LPIN3: variants seen among roughly 807,000 people sequenced by gnomAD.
LPIN3 encodes the protein phosphatidate phosphatase LPIN3.
LPIN3 carries 82 observed loss-of-function variants against 94.7 expected under a neutral mutation model. The ratio of observed to expected loss-of-function variants is 0.87; its 90% CI spans 0.72 to 1.04. LPIN3 has a LOEUF of 1.04. LPIN3 is among the 50% of genes least tolerant of loss of function. The pLI is 0.00. For synonymous variants in LPIN3, 418 were observed against 443.3 expected (o/e 0.94, Z 0.72); for missense variants, 996 against 1,090.5 (o/e 0.91, Z 1.22).
chr20:41,345,816 G>C lies in LPIN3; in HGVS notation c.13G>C (p.Gly5Arg). 1 of 1,612,680 alleles carries C rather than the reference G, an allele frequency of 6.2e-7. No individual in the cohort carries two copies. Among genetic ancestry groups the C allele is most frequent in the Non-Finnish European group, 8.5e-7 (1 of 1,178,924 alleles). MNYV[G>R]QLAETVFGTV... ...GCCAGCACCAGCCATGAACTACGTG[G>C]GGCAGCTGGCGGAGACGGTGTTTGG... The change falls in exon 2 of 20, where the codon GGG becomes CGG. Residue 5 changes from glycine (G) to arginine (R), a missense_variant. Transcript: ENST00000373257.
At chr20:41,352,350 T>C in intron 9 of LPIN3, 130 bp downstream of exon 9, 1 of 1,098,846 alleles carries the variant, frequency 9.1e-7, no homozygotes, top group South Asian at 1.5e-5. Flanking sequence ...CTCTGCCCTG[T>C]GCAGTCCACA....
chr20:41,345,512 A>C (rs529118092), intron 1 of LPIN3, among the ~76,000 whole-genome samples: 1 of 152,360 alleles, frequency 6.6e-6, no homozygotes, highest in African/African-American at 2.4e-5. Context: ...GGCACGAGGC[A>C]ACTGGGTATT....
chr20:41,352,201 C>T lies in LPIN3; in HGVS notation c.1344C>T (p.Asp448=), dbSNP rs774098335. The change falls in exon 9 of 20, where the codon GAC becomes GAT. Residue 448 remains aspartate, a synonymous_variant. Coordinates refer to ENST00000373257, the MANE Select transcript of LPIN3 (RefSeq NM_022896.3). The stretch of plus-strand genomic sequence containing the variant: ...TGTCCCTCTGTGGTGGACTGGCTGA[C>T]AGCCGGGACATCTCCCTAGGTATGT... ...IALSLCGGLA[D]SRDISLEKFN... The T allele has an allele frequency of 1.2e-6, 2 of 1,614,076 alleles. No homozygotes were observed. Among genetic ancestry groups the T allele is most frequent in the Non-Finnish European group, 1.7e-6 (2 of 1,180,050 alleles).
intron 13 of LPIN3, among the ~76,000 whole-genome samples, chr20:41,355,237 T>C (rs1293638982): frequency 1.3e-5 from 2 of 152,224 alleles, no homozygotes; most frequent in Non-Finnish European, 2.9e-5. Context: ...GGTCTTGAAC[T>C]TCTGACCTCA....
rs199681090 is a variant in LPIN3, at chr20:41,352,025, C to T, written c.1203-35C>T. ...GGGAGGACCCATCTCCCGCCCTCCT[C>T]GTATTCTTGTCATTGTTGGCCCCTT... On this transcript the variant is annotated intron_variant, in intron 8 of 19. Transcript: ENST00000373257. 5.3e-5 allele frequency: 86 copies of T among 1,613,942 alleles called. 2 individuals are homozygous for T. The East Asian group carries it at 7.1e-4, about 13-fold the overall frequency.
In LPIN3 at chr20:41,352,807, C is replaced by T; in HGVS notation, c.1467C>T (p.Asn489=). The T allele has an allele frequency of 1.2e-6, 2 of 1,614,262 alleles. No homozygotes were observed. Among genetic ancestry groups the T allele is most frequent in the Non-Finnish European group, 1.7e-6 (2 of 1,180,050 alleles). ...LVVKINGKHY[N]WAVAAPMILS... The stretch of plus-strand genomic sequence containing the variant: ...TGTTCTGTCTCTCTAGGCATTATAA[C>T]TGGGCTGTGGCTGCCCCCATGATCC... Residue 489 remains asparagine, a synonymous_variant, in exon 11 of 20, where the codon AAC becomes AAT. Transcript: ENST00000373257.
chr20:41,351,706 T>C (rs1011172652), intron 7 of LPIN3, 115 bp from the exon 8 acceptor site: 10 of 845,334 alleles, frequency 1.2e-5, no homozygotes, highest in Admixed American at 9.2e-5. Context: ...TTTGTATCAC[T>C]GCAGAAGGTT....
intron 7 of LPIN3, among the ~76,000 whole-genome samples, chr20:41,351,379 C>T (rs1403928244): frequency 6.6e-6 from 1 of 151,108 alleles, no homozygotes; most frequent in Non-Finnish European, 1.5e-5. Context: ...TCACTGCAAC[C>T]TCTGCCTCCC....
rs1306730796 is a variant in LPIN3, at chr20:41,354,695, A to G, written c.1578A>G (p.Arg526=). Reference sequence around the variant, plus strand: ...AGAAGATGCCCCGGAAGGGTGGGCGATGGTGGTTTTCCTGGCGACGCAGGG... The same window carrying G: ...AGAAGATGCCCCGGAAGGGTGGGCGGTGGTGGTTTTCCTGGCGACGCAGGG... ...EREKMPRKGG[R]WWFSWRRRDF... is the part of the protein sequence containing the mutation. The change falls in exon 12 of 20, where the codon CGA becomes CGG. Residue 526 remains arginine (R), a synonymous_variant. Coordinates refer to ENST00000373257, the MANE Select transcript of LPIN3 (RefSeq NM_022896.3). The G allele has an allele frequency of 1.2e-6, 2 of 1,606,734 alleles. No homozygotes were observed. Among genetic ancestry groups the G allele is most frequent in the African/African-American group, 2.7e-5 (2 of 74,824 alleles).
At position 41,359,027 on chromosome 20, in the gene LPIN3, C is replaced by A. The variant is rs1279881423; in HGVS notation, c.*161C>A. ...AGCTAGAGAGACTCCCCCATCTTCC[C>A]CGTCATATTTTTGCCAGCTAAGCTG... On this transcript the variant is annotated 3_prime_UTR_variant, in exon 20 of 20. Coordinates refer to ENST00000373257, the MANE Select transcript of LPIN3 (RefSeq NM_022896.3). The A allele has an allele frequency of 4.7e-6, 4 of 845,006 alleles. No individual in the cohort carries two copies. The highest frequency in any genetic ancestry group is 7.2e-6 in the Non-Finnish European group (4 of 553,336). The allele number at this position is 845,006 out of a possible 1,614,324, so 52.3% of individuals were successfully genotyped here.
chr20:41,351,826 C>G lies in LPIN3; in HGVS notation c.1108C>G (p.Pro370Ala). Residue 370 changes from proline (P) to alanine (A), a missense_variant, in exon 8 of 20, where the codon CCA (proline) becomes GCA (alanine). By Grantham distance (27) the Pro-to-Ala change is conservative. Coordinates refer to ENST00000373257, the MANE Select transcript of LPIN3 (RefSeq NM_022896.3). The part of the protein sequence containing the change: ...PERVSRGKGS[P>A]KRSQHLGPSD... ...ATCCTCTCTTCAACTCTCAGGCTCC[C>G]CAAAGAGAAGCCAGCACCTGGGCCC... is the stretch of plus-strand genomic sequence containing the variant. 1 of 1,614,098 alleles carries G rather than the reference C, an allele frequency of 6.2e-7. No homozygotes were observed. Among genetic ancestry groups the G allele is most frequent in the Middle Eastern group, 1.6e-4 (1 of 6,062 alleles).
chr20:41,357,597 C>A (rs1447750763), intron 16 of LPIN3, 150 bp downstream of exon 16: 3 of 751,762 alleles, frequency 4.0e-6, no homozygotes, highest in Non-Finnish European at 6.4e-6. Context: ...TATTGGCCCG[C>A]AGTTCTGGGA....
Position 41,351,916 on chromosome 20 carries a change from C to G in LPIN3, c.1198C>G (p.Gln400Glu). 6.2e-7 allele frequency: 1 copy of G among 1,614,226 alleles called. No individual in the cohort carries two copies. Among genetic ancestry groups the G allele is most frequent in the African/African-American group, 1.3e-5 (1 of 75,056 alleles). The change falls in exon 8 of 20, where the codon CAA becomes GAA. Residue 400 changes from glutamine to glutamate, a missense_variant. Coordinates refer to ENST00000373257, the MANE Select transcript of LPIN3 (RefSeq NM_022896.3). ...TGAGAATGCAGCGCTTTACTTCCCC[C>G]AAAGGTGCCTGGGTTCTGGATGCCA... ...DSENAALYFP[Q>E]SDSGLGARRW...
chr20:41,355,904 C>G lies in LPIN3; in HGVS notation c.1673C>G (p.Thr558Arg). 1 of 1,614,052 alleles carries G rather than the reference C, an allele frequency of 6.2e-7. No individual in the cohort carries two copies. The highest frequency in any genetic ancestry group is 1.1e-5 in the South Asian group (1 of 91,072). Residue 558 changes from threonine (T) to arginine (R), a missense_variant, in exon 14 of 20, where the codon ACA becomes AGA. Thr to Arg is a moderately conservative substitution (Grantham distance 71, BLOSUM62 -1). Coordinates refer to ENST00000373257, the MANE Select transcript of LPIN3 (RefSeq NM_022896.3). The part of the protein sequence containing the change: ...TAAKEQQGEK[T>R]EVLSSDDDAP... Reference sequence around the variant, plus strand: ...GCCAGTGTGGTCCACAGGGAGAAGACAGAAGTCCTGAGCAGTGATGACGAT... The same window carrying G: ...GCCAGTGTGGTCCACAGGGAGAAGAGAGAAGTCCTGAGCAGTGATGACGAT...
intron 11 of LPIN3, 130 bp downstream of exon 11, chr20:41,352,997 C>A: frequency 9.8e-7 from 1 of 1,024,612 alleles, no homozygotes; most frequent in Non-Finnish European, 1.5e-6. Flanking sequence ...GGCTGCAAGA[C>A]TCACTCTGGG....
At position 41,352,594 on chromosome 20, in the gene LPIN3, C is replaced by T; in HGVS notation, c.1364-12C>T. ...GTGCCAGCCTCACCCCTCACTCTGC[C>T]TCTGTGCCCAGAGAAATTCAACCAG... is the stretch of plus-strand genomic sequence containing the variant. On this transcript the variant is annotated splice_polypyrimidine_tract_variant and intron_variant, in intron 9 of 19. Transcript: ENST00000373257. 1 of 1,612,662 alleles carries T rather than the reference C, an allele frequency of 6.2e-7. No homozygotes were observed. Among genetic ancestry groups the T allele is most frequent in the Non-Finnish European group, 8.5e-7 (1 of 1,178,684 alleles).
chr20:41,357,017 C>T (rs1046265642), intron 14 of LPIN3, 23 bp from the exon 15 acceptor site: 14 of 1,604,828 alleles, frequency 8.7e-6, no homozygotes, highest in Admixed American at 3.3e-5. Context: ...AATCACGACA[C>T]ACCCCCCTTT....
chr20:41,351,092 T>A (rs1373742313), intron 7 of LPIN3, among the ~76,000 whole-genome samples: 64 of 147,192 alleles, frequency 4.3e-4, no homozygotes, highest in East Asian at 1.2e-3. Context: ...AAAAAAAAAA[T>A]TTTTTTTTTA....
intron 3 of LPIN3, among the ~76,000 whole-genome samples, chr20:41,348,185 C>G (rs2045855856): frequency 6.6e-6 from 1 of 152,202 alleles, no homozygotes; most frequent in Non-Finnish European, 1.5e-5. Context: ...CGGGTGACCC[C>G]TGCCTTCAAA....
Sources: allele counts gnomAD v4.1 joint callset (sites outside exome capture counted in the v4.1 genomes callset), GRCh38; gene constraint gnomAD v4.1.1; transcripts MANE v1.5; gene names NCBI Gene and HGNC (gene_info 2026-07-23, HGNC 2026-07-21).